Variants in EVPL observed in about 807,000 individuals in gnomAD.
EVPL encodes 210 kDa cornified envelope precursor protein.
Under a neutral mutation model 129.7 loss-of-function variants are expected in EVPL, and 94 were observed. The ratio of observed to expected loss-of-function variants is 0.72; its 90% CI spans 0.61 to 0.86. EVPL has a LOEUF of 0.86. EVPL is among the 40% of genes least tolerant of loss of function. EVPL has a pLI of 0.00. For missense variants in EVPL, 2,625 were observed against 2,721.1 expected (o/e 0.96, Z 0.79); for synonymous variants, 1,172 against 1,191.1 (o/e 0.98, Z 0.33).
chr17:76,014,887 C>T (rs763564844), intron 17 of EVPL, 29 bp downstream of exon 17: 6 of 1,560,696 alleles, frequency 3.8e-6, no homozygotes, highest in East Asian at 4.5e-5. Flanking sequence ...CCAGCCCACA[C>T]CCTGTGCCCC....
chr17:76,008,308 G>A lies in EVPL; in HGVS notation c.4897C>T (p.Gln1633Ter), dbSNP rs1417263445. 1.2e-6 allele frequency: 2 copies of A among 1,609,184 alleles called. No individual in the cohort carries two copies. Among genetic ancestry groups the A allele is most frequent in the Admixed American group, 1.7e-5 (1 of 60,006 alleles). Residue 1633 changes from glutamine to a stop codon, truncating the protein, a stop_gained, in exon 22 of 22, where the codon CAG (glutamine) becomes TAG (stop). Coordinates refer to ENST00000301607, the MANE Select transcript of EVPL (RefSeq NM_001988.4). LOFTEE classifies it high-confidence loss of function. This position sits in a 1 kb window ranked among gnomAD's most constrained non-coding sequence, Gnocchi z 7.4. ...KTESERQKAA[Q>*]RGQELSRLEA... ...AGCCGCGAGAGCTCCTGGCCCCGCT[G>A]GGCCGCCTTCTGTCGCTCGCTCTCC...
chr17:76,012,211 G>T lies in EVPL; in HGVS notation c.2374-122C>A, dbSNP rs1002454968. ...GCCTCCCAGGGACAAGAAAGGGCAG[G>T]GAGGGAGACCTGGGCCAAACTCCCT... On this transcript the variant is annotated intron_variant, in intron 18 of 21. Coordinates refer to ENST00000301607, the MANE Select transcript of EVPL (RefSeq NM_001988.4). 13 of 684,788 alleles carry T rather than the reference G, an allele frequency of 1.9e-5. No homozygotes were observed. The Admixed American group carries it at 2.7e-4, about 14-fold the overall frequency. The allele number at this position is 684,788 out of a possible 1,614,324, so 42.4% of individuals were successfully genotyped here.
chr17:76,009,391 G>C lies in EVPL; in HGVS notation c.3814C>G (p.Arg1272Gly), dbSNP rs767651359. 6.2e-7 allele frequency: 1 copy of C among 1,613,964 alleles called. No individual in the cohort carries two copies. The highest frequency in any genetic ancestry group is 2.2e-5 in the East Asian group (1 of 44,868). ...AGCTCGTTGAGCTGAGCCTTCAGGC[G>C]GTCGATCTCACGCAGCACCTCGGGG... Reference protein sequence around the residue: ...RSPEVLREIDRLKAQLNELVN... With the variant: ...RSPEVLREIDGLKAQLNELVN... Residue 1272 changes from arginine (R) to glycine (G), a missense_variant, in exon 22 of 22, where the codon CGC becomes GGC. Physicochemically the swap from Arg to Gly is moderately radical, Grantham distance 125. Transcript: ENST00000301607. This position sits in a 1 kb window ranked among gnomAD's most constrained non-coding sequence, Gnocchi z 5.9.
chr17:76,023,223 A>T, intron 4 of EVPL, 69 bp downstream of exon 4: 1 of 1,595,534 alleles, frequency 6.3e-7, no homozygotes, highest in Non-Finnish European at 8.5e-7. Flanking sequence ...GCCTGCAGTC[A>T]GGCCCTGGAT....
In EVPL at chr17:76,019,070, G is replaced by T. The variant is rs1409233904; in HGVS notation, c.1138-10C>A. The T allele has an allele frequency of 5.7e-6, 9 of 1,573,080 alleles. No individual in the cohort carries two copies. The highest frequency in any genetic ancestry group is 6.8e-6 in the Non-Finnish European group (8 of 1,168,294). ...GCCGTTTTTCCTCTGCCTGCCGGGGGCCCAGGCAGTGGGGGACTCAGGCCA... is the reference window on the plus strand; with the variant it reads ...GCCGTTTTTCCTCTGCCTGCCGGGGTCCCAGGCAGTGGGGGACTCAGGCCA... On this transcript the variant is annotated splice_polypyrimidine_tract_variant and intron_variant, in intron 10 of 21. Transcript: ENST00000301607.
intron 14 of EVPL, among the ~76,000 whole-genome samples, chr17:76,016,889 CT>C (rs1208689111): frequency 6.6e-6 from 1 of 152,064 alleles, no homozygotes; most frequent in East Asian, 1.9e-4. Context: ...GCACTCCAGC[CT>C]GGGTGACAAA....
rs745759274 is a variant in EVPL, at chr17:76,007,819, TGATAGAGCC to T, written c.5377_5385del (p.Gly1793_Ile1795del). ...GGGGAGGCGAGCGGGGACTTGGAGA[TGATAGAGCC>T]GATGGAGAGTGAGGAGCTTGGCTTG... On this transcript the variant is annotated inframe_deletion, in exon 22 of 22. Transcript: ENST00000301607. The surrounding 1 kb of genome is among the most constrained non-coding windows in gnomAD (Gnocchi z 8.8). The T allele has an allele frequency of 1.2e-6, 2 of 1,611,154 alleles. No homozygotes were observed. The highest frequency in any genetic ancestry group is 8.5e-7 in the Non-Finnish European group (1 of 1,177,960).
In EVPL at chr17:76,010,256, G is replaced by A. The variant is rs2066366054; in HGVS notation, c.2949C>T (p.Gly983=). 6.2e-7 allele frequency: 1 copy of A among 1,613,972 alleles called. No individual in the cohort carries two copies. The highest frequency in any genetic ancestry group is 1.3e-5 in the African/African-American group (1 of 75,032). Residue 983 remains glycine (G), a synonymous_variant, in exon 22 of 22, where the codon GGC becomes GGT. Coordinates refer to ENST00000301607, the MANE Select transcript of EVPL (RefSeq NM_001988.4). Reference sequence around the variant, plus strand: ...CTGCCTGCAGGCCAGCCCGCCGCTTGCCCTCCTCCTCCACCTGGGCCTTCA... The same window carrying A: ...CTGCCTGCAGGCCAGCCCGCCGCTTACCCTCCTCCTCCACCTGGGCCTTCA... The part of the protein sequence containing the change: ...SRVKAQVEEE[G]KRRAGLQADL...
rs1567913653 is a variant in EVPL at position 76,018,602 on chromosome 17, T to C, written c.1285-2A>G. 2 of 1,594,752 alleles carry C rather than the reference T, an allele frequency of 1.3e-6. No individual in the cohort carries two copies. The highest frequency in any genetic ancestry group is 1.8e-5 in the Admixed American group (1 of 56,868). ...CCGCTCACCCTGCAGCAGCTGCACCTGGGGGCACAGAAAGGGAGCAGCTCC... is the reference window on the plus strand; with the variant it reads ...CCGCTCACCCTGCAGCAGCTGCACCCGGGGGCACAGAAAGGGAGCAGCTCC... On this transcript the variant is annotated splice_acceptor_variant, in intron 11 of 21. Coordinates refer to ENST00000301607, the MANE Select transcript of EVPL (RefSeq NM_001988.4). LOFTEE classifies it high-confidence loss of function.
Position 76,022,414 on chromosome 17 carries a change from G to A in EVPL, c.605C>T (p.Pro202Leu), listed in dbSNP as rs147209597. 7 of 1,613,590 alleles carry A rather than the reference G, an allele frequency of 4.3e-6. No individual in the cohort carries two copies. Among genetic ancestry groups the A allele is most frequent in the African/African-American group, 2.7e-5 (2 of 75,046 alleles). ...YGQQLRSLVG[P>L]DAATIRSQYR... ...GTGACATCCTCCAGGCTCACCTACC[G>A]GCCCCACGAGGCTCCGCAGCTGCTG... The change falls in exon 5 of 22, where the codon CCG (proline) becomes CTG (leucine). Residue 202 changes from proline to leucine, a missense_variant and splice_region_variant. Around this residue, in one of 4 missense-constraint regions of EVPL, gnomAD observed 1,024 missense variants for 997.5 expected, o/e 1.03. Coordinates refer to ENST00000301607, the MANE Select transcript of EVPL (RefSeq NM_001988.4). This position sits in a 1 kb window ranked among gnomAD's most constrained non-coding sequence, Gnocchi z 5.6.
In EVPL at chr17:76,022,557, C is replaced by T. The variant is rs748629088; in HGVS notation, c.481-19G>A. ...CCTGCTTCTGCAGGAGAGCCGGCGGCTCAGTCCCCAAAGGACCGCGGTGGG... is the reference window on the plus strand; with the variant it reads ...CCTGCTTCTGCAGGAGAGCCGGCGGTTCAGTCCCCAAAGGACCGCGGTGGG... On this transcript the variant is annotated intron_variant, in intron 4 of 21. Transcript: ENST00000301607. This position sits in a 1 kb window ranked among gnomAD's most constrained non-coding sequence, Gnocchi z 5.6. 1 of 1,591,826 alleles carries T rather than the reference C, an allele frequency of 6.3e-7. No individual in the cohort carries two copies. The highest frequency in any genetic ancestry group is 8.5e-7 in the Non-Finnish European group (1 of 1,170,408).
In EVPL at chr17:76,021,411, CCCGCCCCTGCCGCCCCTG is replaced by C. The variant is rs745532450; in HGVS notation, c.1011+39_1011+56del. On this transcript the variant is annotated intron_variant, in intron 9 of 21. Coordinates refer to ENST00000301607, the MANE Select transcript of EVPL (RefSeq NM_001988.4). ...CTCCTGTGGGCAGGGGTGCTGTGCT[CCCGCCCCTGCCGCCCCTG>C]CCGCCCCTGCCGCCCCTGCCGCCTG... 1,136 of 1,297,174 alleles carry C rather than the reference CCCGCCCCTGCCGCCCCTG, an allele frequency of 8.8e-4. 6 individuals carry two copies. The highest frequency in any genetic ancestry group is 5.0e-3 in the Middle Eastern group (23 of 4,598). 80.4% of individuals were successfully genotyped at this position (1,297,174 alleles called of 1,614,324 possible).
rs747775982 is a variant in EVPL, at chr17:76,018,909, C to G, written c.1284+5G>C. On this transcript the variant is annotated splice_donor_5th_base_variant and intron_variant, in intron 11 of 21. Transcript: ENST00000301607. The stretch of plus-strand genomic sequence containing the variant: ...GTGGCAGGGGTGAGGTGGGGGAGTT[C>G]GCACTTCTCCTGAGTCCCAGTCGCA... 2 of 1,518,516 alleles carry G rather than the reference C, an allele frequency of 1.3e-6. No individual in the cohort carries two copies. The highest frequency in any genetic ancestry group is 8.8e-7 in the Non-Finnish European group (1 of 1,134,874). 94.1% of individuals were successfully genotyped at this position (1,518,516 alleles called of 1,614,324 possible).
rs766593128 is a variant in EVPL, at chr17:76,007,299, G to A, written c.5906C>T (p.Ala1969Val). Residue 1969 changes from alanine (A) to valine (V), a missense_variant, in exon 22 of 22, where the codon GCC becomes GTC. This residue lies in a region of EVPL where 1,453 missense variants were observed against 1,511.8 expected (regional missense o/e 0.96). Transcript: ENST00000301607. The surrounding 1 kb of genome is among the most constrained non-coding windows in gnomAD (Gnocchi z 8.8). ...LLSGMISEEL[A>V]QLLQDESSYE... Reference sequence around the variant, plus strand: ...GCTGGACTCGTCCTGCAGGAGCTGGGCCAGCTCTTCACTGATCATCCCGGA... The same window carrying A: ...GCTGGACTCGTCCTGCAGGAGCTGGACCAGCTCTTCACTGATCATCCCGGA... 2.6e-6 allele frequency: 4 copies of A among 1,555,258 alleles called. No homozygotes were observed. In the Admixed American group the frequency reaches 5.8e-5, roughly 23 times the overall value.
At position 76,009,028 on chromosome 17, in the gene EVPL, C is replaced by T. The variant is rs747843554; in HGVS notation, c.4177G>A (p.Gly1393Arg). 14 of 1,613,264 alleles carry T rather than the reference C, an allele frequency of 8.7e-6. No homozygotes were observed. Among genetic ancestry groups the T allele is most frequent in the South Asian group, 5.5e-5 (5 of 91,074 alleles). ...CGGCCCACCTCCTCATCCAGGCTCC[C>T]GCTCAGCCGGCTGTGCTCCTCGCGC... ...KLREEHSRLS[G>R]SLDEEVGRRR... The change falls in exon 22 of 22, where the codon GGG becomes AGG. Residue 1393 changes from glycine to arginine, a missense_variant. Coordinates refer to ENST00000301607, the MANE Select transcript of EVPL (RefSeq NM_001988.4). This position sits in a 1 kb window ranked among gnomAD's most constrained non-coding sequence, Gnocchi z 5.9.
Position 76,007,396 on chromosome 17 carries a change from C to T in EVPL, c.5809G>A (p.Val1937Met). Residue 1937 changes from valine to methionine, a missense_variant, in exon 22 of 22, where the codon GTG becomes ATG. Physicochemically the swap from Val to Met is conservative, Grantham distance 21. Transcript: ENST00000301607. This position sits in a 1 kb window ranked among gnomAD's most constrained non-coding sequence, Gnocchi z 8.8. ...ATGAGCCCCCCGGTCAGGTGCTGCA[C>T]CTGCAGGTGTGGGAGCACGCTCTCC... is the stretch of plus-strand genomic sequence containing the variant. ...PRESVLPHLQ[V>M]QHLTGGLIDP... 2 of 1,602,590 alleles carry T rather than the reference C, an allele frequency of 1.2e-6. No individual in the cohort carries two copies. The highest frequency in any genetic ancestry group is 1.7e-6 in the Non-Finnish European group (2 of 1,172,638).
At position 76,010,108 on chromosome 17, in the gene EVPL, C is replaced by T. The variant is rs199543579; in HGVS notation, c.3097G>A (p.Ala1033Thr). ...ERDPGLDSQAAQLRIQIQQLR... is the reference protein window; with the variant it reads ...ERDPGLDSQATQLRIQIQQLR... ...TGCTGGATCTGGATCCTGAGCTGGGCCGCCTGGCTGTCCAGGCCGGGGTCC... is the reference window on the plus strand; with the variant it reads ...TGCTGGATCTGGATCCTGAGCTGGGTCGCCTGGCTGTCCAGGCCGGGGTCC... The change falls in exon 22 of 22, where the codon GCC becomes ACC. Residue 1033 changes from alanine (A) to threonine (T), a missense_variant. Around this residue, in one of 4 missense-constraint regions of EVPL, gnomAD observed 1,453 missense variants for 1,511.8 expected, o/e 0.96. Transcript: ENST00000301607. 386 of 1,614,050 alleles carry T rather than the reference C, an allele frequency of 2.4e-4. 1 individual carries two copies. Among genetic ancestry groups the T allele is most frequent in the East Asian group, 1.3e-3 (57 of 44,880 alleles).
chr17:76,012,175 C>G (rs1480031703), intron 18 of EVPL, 86 bp from the exon 19 acceptor site: 2 of 1,002,898 alleles, frequency 2.0e-6, no homozygotes, highest in Non-Finnish European at 3.0e-6. Flanking sequence ...GGGCCACAGT[C>G]AGGCAGAGCT....
In EVPL at chr17:76,023,402, C is replaced by T. The variant is rs375730697; in HGVS notation, c.370G>A (p.Glu124Lys). ...EIEKDIKQLH[E>K]RVTQECAEYR... ...TCCGCACACTCCTGGGTCACCCGCTCGTGCAGCTGCTTGATGCTGTCAAGA... is the reference window on the plus strand; with the variant it reads ...TCCGCACACTCCTGGGTCACCCGCTTGTGCAGCTGCTTGATGCTGTCAAGA... The change falls in exon 4 of 22, where the codon GAG becomes AAG. Residue 124 changes from glutamate (E) to lysine (K), a missense_variant. Physicochemically the swap from Glu to Lys is moderately conservative, Grantham distance 56 (BLOSUM62 1). Transcript: ENST00000301607. 8 of 1,613,852 alleles carry T rather than the reference C, an allele frequency of 5.0e-6. No individual in the cohort carries two copies. Among genetic ancestry groups the T allele is most frequent in the Non-Finnish European group, 5.9e-6 (7 of 1,180,004 alleles).
Sources: allele counts gnomAD v4.1 joint callset (sites outside exome capture counted in the v4.1 genomes callset), GRCh38; gene constraint gnomAD v4.1.1; regional missense constraint gnomAD v4.1.1; non-coding constraint Gnocchi (gnomAD v3.1); transcripts MANE v1.5; gene names NCBI Gene and HGNC (gene_info 2026-07-23, HGNC 2026-07-21).